The following ITPK1 variants were observed in gnomAD, a reference collection of about 807,000 sequenced individuals.
ITPK1 encodes inositol 1,3,4-trisphosphate 5/6-kinase.
Under a neutral mutation model 45.3 loss-of-function variants are expected in ITPK1, and 21 were observed. That is an observed-to-expected ratio of 0.46 (90% confidence interval 0.33 to 0.67). The LOEUF (loss-of-function observed/expected upper bound fraction) is 0.67. ITPK1 is among the 30% of genes least tolerant of loss of function. The pLI, the probability that ITPK1 is intolerant of heterozygous loss-of-function variation, is 0.02. For missense variants in ITPK1, 474 were observed against 573.5 expected (o/e 0.83, Z 1.77); for synonymous variants, 258 against 253.6 (o/e 1.02, Z -0.16).
chr14:93,046,799 C>G (rs1007109346), intron 3 of ITPK1, among the ~76,000 whole-genome samples: 1 of 152,198 alleles, frequency 6.6e-6, no homozygotes, highest in Non-Finnish European at 1.5e-5. Context: ...AAAGCTCAGT[C>G]ACTAGCTAGC....
intron 2 of ITPK1, among the ~76,000 whole-genome samples, chr14:93,081,372 A>G (rs1044859001): frequency 6.6e-6 from 1 of 152,110 alleles, no homozygotes; most frequent in Non-Finnish European, 1.5e-5. Context: ...ATAATTTTAC[A>G]GGCTCTAAAC....
In ITPK1 at chr14:93,058,964, G is replaced by C. The variant is rs1290134479; in HGVS notation, c.120+17631C>G. On this transcript the variant is annotated intron_variant, in intron 3 of 10. Coordinates refer to ENST00000267615, the MANE Select transcript of ITPK1 (RefSeq NM_014216.6). ...GGGGTGGAGGGGGTGCGGATCATAA[G>C]GCAGGGGTGGAGGGGGTGCGGGTCA... 9.6e-4 allele frequency among the ~76,000 whole-genome samples: 18 copies of C among 18,710 alleles called. 2 individuals carry two copies. Among genetic ancestry groups the C allele is most frequent in the African/African-American group, 4.7e-3 (17 of 3,602 alleles). The allele number at this position is 18,710 out of a possible 152,430, so 12.3% of individuals were successfully genotyped here. A position where few individuals can be genotyped will look rare whatever the true frequency, so the allele number is the denominator to read the frequency against.
chr14:93,056,114 T>A (rs1486224404), intron 3 of ITPK1, among the ~76,000 whole-genome samples: 5 of 152,062 alleles, frequency 3.3e-5, no homozygotes, highest in African/African-American at 9.7e-5. Context: ...TGTCCAGAGT[T>A]CCCCAGATAG....
chr14:92,984,209 A>G (rs754494122), intron 5 of ITPK1, among the ~76,000 whole-genome samples: 13 of 152,220 alleles, frequency 8.5e-5, no homozygotes, highest in Non-Finnish European at 1.5e-4. Context: ...AGCACCAGCA[A>G]TGAGGGCCCC....
chr14:93,104,462 C>CAAAAAAAAAAAAA (rs35034223), intron 2 of ITPK1, among the ~76,000 whole-genome samples: 1 of 145,946 alleles, frequency 6.9e-6, no homozygotes, highest in African/African-American at 2.5e-5. Flanking sequence ...AACTCCATCT[C>CAAAAAAAAAAAAA]AAAAAAAAAA....
intron 2 of ITPK1, among the ~76,000 whole-genome samples, chr14:93,093,507 C>A (rs374628673): frequency 6.6e-6 from 1 of 152,214 alleles, no homozygotes; most frequent in East Asian, 1.9e-4. Flanking sequence ...TTTCTTCCCC[C>A]CTCAGCCCTG....
At chr14:93,079,756 A>G (rs1213232820) in intron 2 of ITPK1, among the ~76,000 whole-genome samples, 1 of 152,234 alleles carries the variant, frequency 6.6e-6, no homozygotes, top group Non-Finnish European at 1.5e-5. Context: ...AAGTCCTGCC[A>G]TAACCAGAAA....
intron 3 of ITPK1, among the ~76,000 whole-genome samples, chr14:93,027,633 G>A (rs1046910562): frequency 3.3e-5 from 5 of 152,168 alleles, no homozygotes; most frequent in Non-Finnish European, 5.9e-5. Context: ...GTGCACGCAC[G>A]TGGACAACTG....
At position 92,976,375 on chromosome 14, in the gene ITPK1, C is replaced by T. The variant is rs1435381337; in HGVS notation, c.365-13526G>A. On this transcript the variant is annotated intron_variant, in intron 5 of 10. Transcript: ENST00000267615. ...GCAAGGCCAGAGAGGCTGTCTTTCT[C>T]GGGACACACCCCTGGGTCCCTGAGC... 9.8e-5 allele frequency among the ~76,000 whole-genome samples: 15 copies of T among 152,302 alleles called. No homozygotes were observed. In the East Asian group the frequency reaches 1.5e-3, roughly 16 times the overall value.
chr14:92,959,783 A>T (rs1020896972), intron 7 of ITPK1, among the ~76,000 whole-genome samples: 2 of 152,180 alleles, frequency 1.3e-5, no homozygotes, highest in African/African-American at 4.8e-5. Flanking sequence ...CAAAAACCCA[A>T]ATAAAAGAGT....
intron 3 of ITPK1, among the ~76,000 whole-genome samples, chr14:93,061,385 C>T (rs1315477943): frequency 1.3e-5 from 2 of 152,212 alleles, no homozygotes; most frequent in African/African-American, 4.8e-5. Context: ...GCCCACCACT[C>T]CTTCCTCCTC....
chr14:93,088,334 T>TTG, intron 2 of ITPK1, among the ~76,000 whole-genome samples: 1 of 138,440 alleles, frequency 7.2e-6, no homozygotes, highest in Non-Finnish European at 1.6e-5. Flanking sequence ...TTTTTTGGTT[T>TTG]TGTTTTGTTT....
intron 3 of ITPK1, among the ~76,000 whole-genome samples, chr14:93,027,203 G>A (rs1888782673): frequency 6.6e-6 from 1 of 152,176 alleles, no homozygotes; most frequent in African/African-American, 2.4e-5. Context: ...CAGGGTGAAA[G>A]GGAGACTGCT....
At chr14:92,983,416 A>G (rs1886324853) in intron 5 of ITPK1, among the ~76,000 whole-genome samples, 1 of 152,254 alleles carries the variant, frequency 6.6e-6, no homozygotes, top group Non-Finnish European at 1.5e-5. Flanking sequence ...CAGAGCAAAG[A>G]TGACGCTTAC....
At chr14:93,003,801 T>C (rs1199552101) in intron 4 of ITPK1, among the ~76,000 whole-genome samples, 2 of 152,340 alleles carry the variant, frequency 1.3e-5, no homozygotes, top group East Asian at 3.9e-4. Context: ...CCTGGGGCAC[T>C]GTGCAAGTTG....
Position 92,958,289 on chromosome 14 carries a change from G to A in ITPK1, c.582C>T (p.Asn194=), listed in dbSNP as rs151261324. The stretch of plus-strand genomic sequence containing the variant: ...CCACGAACACCTTGTACAGGACGGC[G>A]TTGTGGTTGATGAAATTCTGGACCA... ...PCVVQNFINH[N]AVLYKVFVVG... Residue 194 remains asparagine, a synonymous_variant, in exon 8 of 11, where the codon AAC becomes AAT. Transcript: ENST00000267615. This position sits in a 1 kb window ranked among gnomAD's most constrained non-coding sequence, Gnocchi z 4.4. 50 of 1,614,076 alleles carry A rather than the reference G, an allele frequency of 3.1e-5. 1 individual carries two copies. Among genetic ancestry groups the A allele is most frequent in the South Asian group, 1.3e-4 (12 of 91,084 alleles).
At chr14:93,104,980 G>C (rs1892464642) in intron 2 of ITPK1, among the ~76,000 whole-genome samples, 1 of 152,228 alleles carries the variant, frequency 6.6e-6, no homozygotes, top group Non-Finnish European at 1.5e-5. Context: ...TCCCAGGAAT[G>C]TCTCTTGTGC....
In ITPK1 at chr14:93,014,092, G is replaced by T. The variant is rs530490910; in HGVS notation, c.246+2584C>A. ...AAACTTCCCACCTTATCAGATATCC[G>T]GCCTCTTACTGAAGCACAGACGGTG... On this transcript the variant is annotated intron_variant, in intron 4 of 10. Transcript: ENST00000267615. This position sits in a 1 kb window ranked among gnomAD's most constrained non-coding sequence, Gnocchi z 4.4. 7.9e-5 allele frequency among the ~76,000 whole-genome samples: 12 copies of T among 152,088 alleles called. No individual in the cohort carries two copies. Among genetic ancestry groups the T allele is most frequent in the Non-Finnish European group, 1.8e-4 (12 of 68,028 alleles).
At chr14:93,038,218 A>G (rs977968290) in intron 3 of ITPK1, among the ~76,000 whole-genome samples, 2 of 152,138 alleles carry the variant, frequency 1.3e-5, no homozygotes, top group Non-Finnish European at 2.9e-5. Flanking sequence ...TATTTTTTGT[A>G]GAGACGTGGT....
Sources: gnomAD v4.1 joint callset for allele counts (sites outside exome capture counted in the v4.1 genomes callset) on GRCh38, gnomAD v4.1.1 for gene constraint, Gnocchi (gnomAD v3.1) non-coding constraint, MANE v1.5 for transcripts, NCBI Gene and HGNC (gene_info 2026-07-23, HGNC 2026-07-21) for gene names.